MEGF10: variants seen among roughly 807,000 people sequenced by gnomAD.
MEGF10 encodes multiple EGF like domains 10.
MEGF10 carries 86 observed loss-of-function variants against 147.5 expected under a neutral mutation model. The observed-to-expected ratio is 0.58, with a 90% CI of 0.49 to 0.70. The LOEUF (loss-of-function observed/expected upper bound fraction) is 0.70, where lower values mean the gene tolerates loss of function less well. Among genes scored for constraint, MEGF10 ranks in the 30% least tolerant of loss-of-function variants. The pLI is 0.00. For missense variants in MEGF10, 1,329 were observed against 1,487.3 expected (o/e 0.89, Z 1.75); for synonymous variants, 478 against 525.5 (o/e 0.91, Z 1.24).
intron 1 of MEGF10, among the ~76,000 whole-genome samples, chr5:127,317,566 A>G (rs996949182): frequency 1.3e-5 from 2 of 152,186 alleles, no homozygotes; most frequent in Non-Finnish European, 2.9e-5. Context: ...AATACTATGC[A>G]GCCATAAAAA....
At chr5:127,302,321 A>G (rs886184784) in intron 1 of MEGF10, among the ~76,000 whole-genome samples, 1 of 152,224 alleles carries the variant, frequency 6.6e-6, no homozygotes, top group African/African-American at 2.4e-5. Flanking sequence ...GATACATGCT[A>G]CAACATGGAT....
intron 5 of MEGF10, among the ~76,000 whole-genome samples, chr5:127,391,006 T>C (rs1186989100): frequency 2.0e-5 from 3 of 152,004 alleles, no homozygotes; most frequent in African/African-American, 4.8e-5. Context: ...GTGGGCATGC[T>C]AAGGTATTAT....
the MEGF10 span, among the ~76,000 whole-genome samples, chr5:127,281,641 A>G: frequency 6.6e-6 from 1 of 152,206 alleles, no homozygotes; most frequent in Admixed American, 6.5e-5. Flanking sequence ...GTCTTGGAGC[A>G]GGGATGAAGG....
chr5:127,355,165 C>A (rs762027308), intron 4 of MEGF10, among the ~76,000 whole-genome samples: 1 of 151,980 alleles, frequency 6.6e-6, no homozygotes, highest in Non-Finnish European at 1.5e-5. Context: ...AAGCTAGGCT[C>A]CTTGGGTGGA....
At chr5:127,397,218 G>T (rs1016482466) in intron 6 of MEGF10, among the ~76,000 whole-genome samples, 1 of 152,178 alleles carries the variant, frequency 6.6e-6, no homozygotes, top group African/African-American at 2.4e-5. Flanking sequence ...CAGTGCATTA[G>T]AAGAGAAAAG....
the MEGF10 span, among the ~76,000 whole-genome samples, chr5:127,268,299 C>G: frequency 6.6e-6 from 1 of 152,150 alleles, no homozygotes; most frequent in African/African-American, 2.4e-5. Flanking sequence ...GTTATAATTT[C>G]TGTTCTTTTA....
the MEGF10 span, among the ~76,000 whole-genome samples, chr5:127,276,508 G>C: frequency 2.0e-5 from 3 of 152,216 alleles, no homozygotes; most frequent in Non-Finnish European, 2.9e-5. Flanking sequence ...GGGCAACTCT[G>C]TGGTTTGGGC....
intron 4 of MEGF10, among the ~76,000 whole-genome samples, chr5:127,366,027 T>A (rs574042870): frequency 6.6e-6 from 1 of 152,210 alleles, no homozygotes; most frequent in African/African-American, 2.4e-5. Flanking sequence ...GAACAATTAA[T>A]GTCTTTAGCC....
chr5:127,398,732 C>G lies in MEGF10; in HGVS notation c.716C>G (p.Pro239Arg), dbSNP rs1764018249. ...GGTCCACAGTGTGAGCAGAGATGCC[C>G]TTGTCAAAATGGAGGAGTGTGTCAT... Reference protein sequence around the residue: ...KHGPQCEQRCPCQNGGVCHHV... With the variant: ...KHGPQCEQRCRCQNGGVCHHV... The change falls in exon 7 of 25, where the codon CCT becomes CGT. Residue 239 changes from proline to arginine, a missense_variant. Transcript: ENST00000503335. The G allele has an allele frequency of 6.2e-7, 1 of 1,613,906 alleles. No individual in the cohort carries two copies. The highest frequency in any genetic ancestry group is 1.3e-5 in the African/African-American group (1 of 74,908).
intron 1 of MEGF10, among the ~76,000 whole-genome samples, chr5:127,309,998 C>CTTTCT (rs1561562066): frequency 9.3e-3 from 123 of 13,240 alleles, no homozygotes; most frequent in Middle Eastern, 0.091. Context: ...TCTTTCTTTC[C>CTTTCT]TTCCTTCCTT....
intron 13 of MEGF10, among the ~76,000 whole-genome samples, chr5:127,423,641 T>C (rs1256825959): frequency 2.0e-5 from 3 of 152,226 alleles, no homozygotes; most frequent in Admixed American, 6.5e-5. Flanking sequence ...GCTGATGATA[T>C]TGAACATCTT....
At chr5:127,441,008 A>G (rs984281707) in intron 18 of MEGF10, 141 bp downstream of exon 18, 22 of 1,110,550 alleles carry the variant, frequency 2.0e-5, no homozygotes, top group Non-Finnish European at 2.7e-5. Flanking sequence ...AGCATGACTG[A>G]CTTCCCCTCC....
intron 4 of MEGF10, among the ~76,000 whole-genome samples, chr5:127,362,749 T>G (rs1460037539): frequency 5.3e-5 from 8 of 152,246 alleles, no homozygotes; most frequent in African/African-American, 1.9e-4. Flanking sequence ...AATCTGTTAA[T>G]ATCTGTCTTT....
At chr5:127,328,011 C>G (rs1761108409) in intron 1 of MEGF10, among the ~76,000 whole-genome samples, 1 of 152,156 alleles carries the variant, frequency 6.6e-6, no homozygotes, top group Admixed American at 6.5e-5. Context: ...GCCACCACGC[C>G]TGGCCTAAAT....
chr5:127,244,972 A>C, the MEGF10 span, among the ~76,000 whole-genome samples: 10 of 152,340 alleles, frequency 6.6e-5, no homozygotes, highest in Admixed American at 5.9e-4. Context: ...AAACAAATGG[A>C]AAATCATTCC....
intron 4 of MEGF10, among the ~76,000 whole-genome samples, chr5:127,354,705 C>T (rs1327060963): frequency 1.3e-5 from 2 of 152,336 alleles, no homozygotes; most frequent in Non-Finnish European, 2.9e-5. Context: ...TTATACCTAC[C>T]TCTGTCATTT....
Position 127,457,574 on chromosome 5 carries a change from G to T in MEGF10, c.*256G>T. On this transcript the variant is annotated 3_prime_UTR_variant, in exon 25 of 25. Coordinates refer to ENST00000503335, the MANE Select transcript of MEGF10 (RefSeq NM_001256545.2). Reference sequence around the variant, plus strand: ...CTATACCCGTGAAGCATGACTTATTGTAAGATGTTGGCTGAAAGCATGAAC... The same window carrying T: ...CTATACCCGTGAAGCATGACTTATTTTAAGATGTTGGCTGAAAGCATGAAC... The T allele has an allele frequency of 2.3e-6, 1 of 431,276 alleles. No homozygotes were observed. The highest frequency in any genetic ancestry group is 4.1e-6 in the Non-Finnish European group (1 of 241,442). 26.7% of individuals were successfully genotyped at this position (431,276 alleles called of 1,614,324 possible).
intron 5 of MEGF10, among the ~76,000 whole-genome samples, chr5:127,387,800 T>A (rs1425227518): frequency 6.6e-6 from 1 of 152,234 alleles, no homozygotes; most frequent in Admixed American, 6.5e-5. Context: ...TCCCTCATAA[T>A]GTAATAATGC....
intron 5 of MEGF10, among the ~76,000 whole-genome samples, chr5:127,394,169 A>G (rs1172957190): frequency 6.6e-6 from 1 of 152,194 alleles, no homozygotes; most frequent in African/African-American, 2.4e-5. Flanking sequence ...TTCTCTACTG[A>G]ACATAAGGAG....
Sources: gnomAD v4.1 joint callset for allele counts (sites outside exome capture counted in the v4.1 genomes callset) on GRCh38, gnomAD v4.1.1 for gene constraint, MANE v1.5 for transcripts, NCBI Gene and HGNC (gene_info 2026-07-23, HGNC 2026-07-21) for gene names.